The following MDGA2 variants were observed in gnomAD, a reference collection of about 807,000 sequenced individuals.
MDGA2 encodes the protein MAM domain containing glycosylphosphatidylinositol anchor 2.
MDGA2 carries 40 observed loss-of-function variants against 117.8 expected under a neutral mutation model. That is an observed-to-expected ratio of 0.34 (90% confidence interval 0.26 to 0.44). MDGA2 has a LOEUF of 0.44. Ranked by LOEUF, MDGA2 falls within the 20% of genes least tolerant of loss-of-function variation. The probability of loss-of-function intolerance (pLI) is 1.00; values close to 1 mark genes in which losing one functional copy is unlikely to be tolerated. For missense variants in MDGA2, 1,123 were observed against 1,250.6 expected (o/e 0.90, Z 1.54); for synonymous variants, 452 against 439.0 (o/e 1.03, Z -0.37).
chr14:47,476,932 C>T (rs914126394), intron 1 of MDGA2, among the ~76,000 whole-genome samples: 4 of 152,270 alleles, frequency 2.6e-5, no homozygotes, highest in African/African-American at 7.2e-5. Context: ...GAGGCCGAGG[C>T]GGGTGTATCA....
In MDGA2 at chr14:47,625,204, T is replaced by C. The variant is rs137994441; in HGVS notation, c.280+49313A>G. 3.7e-3 allele frequency among the ~76,000 whole-genome samples: 560 copies of C among 152,246 alleles called. 7 individuals carry two copies. Among genetic ancestry groups the C allele is most frequent in the African/African-American group, 0.013 (535 of 41,532 alleles). On this transcript the variant is annotated intron_variant, in intron 1 of 16. Transcript: ENST00000399232. Reference sequence around the variant, plus strand: ...TTATTTATCTTGGAATGCTTTTCTTTAGCATACTGTAAGGGCCTCTATTAA... The same window carrying C: ...TTATTTATCTTGGAATGCTTTTCTTCAGCATACTGTAAGGGCCTCTATTAA...
chr14:47,178,187 C>G (rs1884554125), intron 3 of MDGA2, among the ~76,000 whole-genome samples: 1 of 152,072 alleles, frequency 6.6e-6, no homozygotes. Context: ...TTGAAAAGGA[C>G]CATGGTGTTT....
At chr14:47,018,733 GAA>G (rs60442845) in intron 8 of MDGA2, among the ~76,000 whole-genome samples, 932 of 38,276 alleles carry the variant, frequency 0.024, 2 homozygotes, top group Middle Eastern at 0.053. Flanking sequence ...CCATTTTACT[GAA>G]AAAAAAAAAA....
chr14:47,099,675 G>C (rs931159519), intron 5 of MDGA2, among the ~76,000 whole-genome samples: 9 of 151,948 alleles, frequency 5.9e-5, no homozygotes, highest in Admixed American at 3.9e-4. Flanking sequence ...ACAAATTCTA[G>C]AGTAAGGTAC....
chr14:47,259,537 G>A (rs1030724223), intron 2 of MDGA2, among the ~76,000 whole-genome samples: 4 of 151,928 alleles, frequency 2.6e-5, no homozygotes, highest in African/African-American at 9.7e-5. Flanking sequence ...AACCTGTTTG[G>A]CTTGTTTAAC....
At chr14:47,477,205 T>C (rs907514438) in intron 1 of MDGA2, among the ~76,000 whole-genome samples, 3 of 152,170 alleles carry the variant, frequency 2.0e-5, no homozygotes, top group Non-Finnish European at 4.4e-5. Flanking sequence ...AAAATTATTA[T>C]ATTAAATGAA....
intron 3 of MDGA2, among the ~76,000 whole-genome samples, chr14:47,197,321 A>T (rs991868293): frequency 6.6e-6 from 1 of 152,056 alleles, no homozygotes; most frequent in East Asian, 1.9e-4. Context: ...GGGGATTAGC[A>T]TCCTTTTAAG....
intron 9 of MDGA2, among the ~76,000 whole-genome samples, chr14:46,950,374 G>A (rs1885328415): frequency 6.6e-6 from 1 of 151,974 alleles, no homozygotes; most frequent in Non-Finnish European, 1.5e-5. Flanking sequence ...ATCTGTCAAA[G>A]GAGGGTGATA....
chr14:46,887,752 T>G (rs1309615922), intron 10 of MDGA2, among the ~76,000 whole-genome samples: 1 of 151,914 alleles, frequency 6.6e-6, no homozygotes, highest in African/African-American at 2.4e-5. Context: ...ACACTTTTAC[T>G]GTCTCTTAAT....
chr14:47,221,605 G>A (rs1406385621), intron 2 of MDGA2, among the ~76,000 whole-genome samples: 1 of 150,608 alleles, frequency 6.6e-6, no homozygotes, highest in African/African-American at 2.4e-5. Context: ...GGAGAATGGC[G>A]TGAACCCAGG....
chr14:46,893,726 A>G (rs1030155157), intron 10 of MDGA2, among the ~76,000 whole-genome samples: 1 of 152,060 alleles, frequency 6.6e-6, no homozygotes, highest in African/African-American at 2.4e-5. Context: ...TTTGACGACT[A>G]CATTATTCTT....
At chr14:47,468,534 G>C (rs1327404007) in intron 1 of MDGA2, among the ~76,000 whole-genome samples, 1 of 152,120 alleles carries the variant, frequency 6.6e-6, no homozygotes, top group Non-Finnish European at 1.5e-5. Context: ...TGAGGACTAA[G>C]AGTTGAGACC....
At chr14:47,596,458 T>A (rs959092901) in intron 1 of MDGA2, among the ~76,000 whole-genome samples, 1 of 152,294 alleles carries the variant, frequency 6.6e-6, no homozygotes, top group South Asian at 2.1e-4. Context: ...TGATGTTTCA[T>A]ATATTCAGGG....
intron 1 of MDGA2, among the ~76,000 whole-genome samples, chr14:47,587,043 A>C (rs1017854131): frequency 6.6e-6 from 1 of 151,864 alleles, no homozygotes; most frequent in East Asian, 1.9e-4. Flanking sequence ...CTCCTACAAT[A>C]ATGAAGGCAT....
intron 1 of MDGA2, among the ~76,000 whole-genome samples, chr14:47,379,047 G>A (rs1891546712): frequency 6.6e-6 from 1 of 152,240 alleles, no homozygotes; most frequent in African/African-American, 2.4e-5. Context: ...CCAGAAGAGA[G>A]TGGGGGCCAA....
At chr14:47,590,969 C>T (rs12894791) in intron 1 of MDGA2, among the ~76,000 whole-genome samples, 38,733 of 151,686 alleles carry the variant, frequency 0.26, 5,817 homozygotes, top group Non-Finnish European at 0.34. Context: ...GACTAATCAA[C>T]AAATAATGAT....
intron 1 of MDGA2, among the ~76,000 whole-genome samples, chr14:47,574,543 T>C (rs1472828372): frequency 6.6e-6 from 1 of 152,202 alleles, no homozygotes; most frequent in Non-Finnish European, 1.5e-5. Context: ...ACCCTAATTC[T>C]AGTTAATCCA....
At chr14:46,877,756 G>T (rs574530529) in intron 11 of MDGA2, among the ~76,000 whole-genome samples, 1 of 151,852 alleles carries the variant, frequency 6.6e-6, no homozygotes, top group South Asian at 2.1e-4. Context: ...AATAGCACAG[G>T]AAATGTTCCC....
At chr14:47,530,621 A>G (rs1895078443) in intron 1 of MDGA2, among the ~76,000 whole-genome samples, 1 of 152,072 alleles carries the variant, frequency 6.6e-6, no homozygotes, top group Admixed American at 6.6e-5. Context: ...CCGGTATACC[A>G]AGTGCATTGG....
Sources: allele counts gnomAD v4.1 joint callset (sites outside exome capture counted in the v4.1 genomes callset), GRCh38; gene constraint gnomAD v4.1.1; transcripts MANE v1.5; gene names NCBI Gene and HGNC (gene_info 2026-07-23, HGNC 2026-07-21).